The following TNS3 variants were observed in gnomAD, a reference collection of about 807,000 sequenced individuals.
TNS3 encodes the protein tensin 3, also known as tensin-3.
Under a neutral mutation model 140.9 loss-of-function variants are expected in TNS3, and 45 were observed. That is an observed-to-expected ratio of 0.32 (90% CI 0.25 to 0.41). TNS3 has a LOEUF of 0.41. TNS3 is among the 10% of genes least tolerant of loss of function. The pLI is 1.00. For missense variants in TNS3, 1,716 were observed against 1,906.7 expected (o/e 0.90, Z 1.86); for synonymous variants, 815 against 788.4 (o/e 1.03, Z -0.56).
At chr7:47,562,815 G>A (rs1800344268) in intron 1 of TNS3, among the ~76,000 whole-genome samples, 1 of 152,218 alleles carries the variant, frequency 6.6e-6, no homozygotes, top group African/African-American at 2.4e-5. Context: ...TACAAAACAA[G>A]TAAAGTCAGT....
chr7:47,460,145 G>A lies in TNS3; in HGVS notation c.-75-18090C>T, dbSNP rs188850278. Among the ~76,000 whole-genome samples, 27 of 150,840 alleles carry A rather than the reference G, an allele frequency of 1.8e-4. No homozygotes were observed. The East Asian group carries it at 4.3e-3, about 24-fold the overall frequency. ...GGAGAATGGCGTGAACCTGAGAGGC[G>A]GAGCTTGCAGTGAGCCGAGATCGCA... On this transcript the variant is annotated intron_variant, in intron 4 of 30. Transcript: ENST00000311160.
Position 47,291,943 on chromosome 7 carries a change from G to T in TNS3, c.3928+12C>A. On this transcript the variant is annotated intron_variant, in intron 27 of 30. Transcript: ENST00000311160. ...AGTCACCAGATGTAGAAATGGAGCT[G>T]CATTTACTGACCTGCCCCCTGCTTC... is the stretch of plus-strand genomic sequence containing the variant. 6.2e-7 allele frequency: 1 copy of T among 1,613,778 alleles called. No individual in the cohort carries two copies. Among genetic ancestry groups the T allele is most frequent in the Non-Finnish European group, 8.5e-7 (1 of 1,179,830 alleles).
chr7:47,361,234 G>A (rs1790310574), intron 17 of TNS3, among the ~76,000 whole-genome samples: 1 of 53,410 alleles, frequency 1.9e-5, no homozygotes, highest in African/African-American at 4.0e-5. Flanking sequence ...ACAAGCAAGG[G>A]CCCAGCCCAA....
At chr7:47,389,112 A>AAGCAGAAGC (rs1344956051) in intron 16 of TNS3, among the ~76,000 whole-genome samples, 3 of 5,472 alleles carry the variant, frequency 5.5e-4, no homozygotes, top group African/African-American at 7.2e-4. Flanking sequence ...GCGGAAGCAG[A>AAGCAGAAGC]AGAAGAAGAA....
intron 3 of TNS3, among the ~76,000 whole-genome samples, chr7:47,503,527 AG>A (rs892510462): frequency 5.3e-5 from 8 of 152,164 alleles, no homozygotes; most frequent in Admixed American, 3.9e-4. Context: ...ACTGCATTCC[AG>A]GAAGCAAAAC....
chr7:47,439,544 C>G lies in TNS3; in HGVS notation c.93G>C (p.Leu31=), dbSNP rs763287429. Residue 31 remains leucine, a synonymous_variant, in exon 6 of 31, where the codon CTG becomes CTC. Transcript: ENST00000311160. ...FPAGCSEESY[L]HNLQEVTRML... is the part of the protein sequence containing the mutation. The stretch of plus-strand genomic sequence containing the variant: ...TGCGCGTGACCTCCTGTAGGTTGTG[C>G]AGGTAGGACTCCTCAGAGCAGCCGG... The G allele has an allele frequency of 6.2e-7, 1 of 1,614,016 alleles. No individual in the cohort carries two copies. Among genetic ancestry groups the G allele is most frequent in the South Asian group, 1.1e-5 (1 of 91,036 alleles).
intron 10 of TNS3, among the ~76,000 whole-genome samples, chr7:47,423,697 G>C (rs1028237394): frequency 2.0e-5 from 3 of 152,222 alleles, no homozygotes; most frequent in Non-Finnish European, 4.4e-5. Flanking sequence ...TTGCGATAAA[G>C]ATCCTGTAGC....
At chr7:47,466,631 T>C (rs1284878062) in intron 4 of TNS3, among the ~76,000 whole-genome samples, 4 of 152,170 alleles carry the variant, frequency 2.6e-5, no homozygotes, top group African/African-American at 9.6e-5. Flanking sequence ...TCTGGTTTGA[T>C]TCTGGTGAGG....
chr7:47,458,541 T>C (rs960597298), intron 4 of TNS3, among the ~76,000 whole-genome samples: 1 of 152,192 alleles, frequency 6.6e-6, no homozygotes, highest in African/African-American at 2.4e-5. Flanking sequence ...TAAAATGTAA[T>C]ATAAAACAAG....
chr7:47,346,177 T>C lies in TNS3; in HGVS notation c.2451+10A>G. The C allele has an allele frequency of 6.2e-7, 1 of 1,612,296 alleles. No homozygotes were observed. The highest frequency in any genetic ancestry group is 8.5e-7 in the Non-Finnish European group (1 of 1,178,494). On this transcript the variant is annotated intron_variant, in intron 18 of 30. Coordinates refer to ENST00000311160, the MANE Select transcript of TNS3 (RefSeq NM_022748.12). ...GGGCCCAGAAACTGGGACCTGGCTG[T>C]GGCACATACCTCTTTGACGTCCGCT... is the stretch of plus-strand genomic sequence containing the variant.
intron 20 of TNS3, among the ~76,000 whole-genome samples, chr7:47,308,632 T>C (rs1008907946): frequency 6.6e-6 from 1 of 152,226 alleles, no homozygotes; most frequent in African/African-American, 2.4e-5. Context: ...AACATTTTTA[T>C]CTTTTTGGGT....
intron 16 of TNS3, among the ~76,000 whole-genome samples, chr7:47,385,133 C>G (rs1442454648): frequency 6.6e-6 from 1 of 152,204 alleles, no homozygotes; most frequent in South Asian, 2.1e-4. Context: ...CATCCTGGCT[C>G]CTGCACCAGG....
chr7:47,424,894 G>A (rs919089848), intron 9 of TNS3, among the ~76,000 whole-genome samples: 1 of 152,236 alleles, frequency 6.6e-6, no homozygotes, highest in African/African-American at 2.4e-5. Context: ...CACAGGAAGT[G>A]TCTGACAGAA....
rs780789518 is a variant in TNS3 at position 47,303,188 on chromosome 7, C to T, written c.3219G>A (p.Val1073=). ...NGFLSHNFLT[V]APGHSSHHSP... ...TGTGGTGGCTGCTGTGTCCAGGCGC[C>T]ACCGTGAGAAAGTTGTGGGACAGGA... Residue 1073 remains valine (V), a synonymous_variant, in exon 22 of 31, where the codon GTG becomes GTA. Coordinates refer to ENST00000311160, the MANE Select transcript of TNS3 (RefSeq NM_022748.12). 6.2e-7 allele frequency: 1 copy of T among 1,613,580 alleles called. No homozygotes were observed. Among genetic ancestry groups the T allele is most frequent in the East Asian group, 2.2e-5 (1 of 44,874 alleles).
intron 20 of TNS3, among the ~76,000 whole-genome samples, chr7:47,318,088 A>C (rs1787515443): frequency 6.6e-6 from 1 of 152,168 alleles, no homozygotes; most frequent in Admixed American, 6.5e-5. Context: ...CATTGAAATA[A>C]TTTCCTATCC....
chr7:47,279,460 T>G (rs1194854224), intron 30 of TNS3: 3 of 152,808 alleles, frequency 2.0e-5, no homozygotes, highest in African/African-American at 7.2e-5. Context: ...CCCGGCACTT[T>G]GGGAGGCTGA....
intron 13 of TNS3, among the ~76,000 whole-genome samples, chr7:47,411,378 C>A (rs1456440867): frequency 6.6e-6 from 1 of 152,202 alleles, no homozygotes; most frequent in East Asian, 1.9e-4. Context: ...AACTGTTCCA[C>A]CTCAGATCAT....
At chr7:47,327,369 C>A (rs889402418) in intron 20 of TNS3, among the ~76,000 whole-genome samples, 8 of 152,190 alleles carry the variant, frequency 5.3e-5, no homozygotes, top group African/African-American at 1.9e-4. Flanking sequence ...TAGAACCCAG[C>A]GCCTGATCCT....
At chr7:47,415,906 G>A (rs1200420233) in intron 10 of TNS3, among the ~76,000 whole-genome samples, 1 of 152,244 alleles carries the variant, frequency 6.6e-6, no homozygotes, top group African/African-American at 2.4e-5. Context: ...TACACTAGGA[G>A]CATCTGACTG....
Sources: allele counts gnomAD v4.1 joint callset (sites outside exome capture counted in the v4.1 genomes callset), GRCh38; gene constraint gnomAD v4.1.1; transcripts MANE v1.5; gene names NCBI Gene and HGNC (gene_info 2026-07-23, HGNC 2026-07-21).